The following QTMAN variants were observed in gnomAD, a reference collection of about 807,000 sequenced individuals.
QTMAN encodes the protein queuosine-tRNA mannosyltransferase, also known as tRNA-queuosine alpha-mannosyltransferase.
chr2:144,036,415 C>T, the QTMAN span, among the ~76,000 whole-genome samples: 1 of 152,112 alleles, frequency 6.6e-6, no homozygotes, highest in Non-Finnish European at 1.5e-5. Context: ...GTTACTGAAG[C>T]TTTTGGAGAG....
At chr2:144,117,615 T>C in the QTMAN span, among the ~76,000 whole-genome samples, 1 of 152,232 alleles carries the variant, frequency 6.6e-6, no homozygotes, top group East Asian at 1.9e-4. Flanking sequence ...CTTTTGCTAG[T>C]GTCTTGTTTG....
chr2:144,168,122 C>T, the QTMAN span, among the ~76,000 whole-genome samples: 1 of 152,092 alleles, frequency 6.6e-6, no homozygotes, highest in Non-Finnish European at 1.5e-5. Flanking sequence ...TAATCAAAAG[C>T]AAAACAATGG....
At chr2:144,109,733 T>C in the QTMAN span, among the ~76,000 whole-genome samples, 1 of 150,682 alleles carries the variant, frequency 6.6e-6, no homozygotes, top group Non-Finnish European at 1.5e-5. Context: ...AGGCAAAGGA[T>C]ATGAACAGAC....
At chr2:144,204,132 C>T in the QTMAN span, among the ~76,000 whole-genome samples, 1 of 152,076 alleles carries the variant, frequency 6.6e-6, no homozygotes, top group Non-Finnish European at 1.5e-5. Flanking sequence ...CAACAAAAGC[C>T]AAAATTGACA....
chr2:144,070,104 A>G, the QTMAN span, among the ~76,000 whole-genome samples: 1 of 152,064 alleles, frequency 6.6e-6, no homozygotes, highest in Non-Finnish European at 1.5e-5. Context: ...ATCTAATCTA[A>G]TTTTACCACC....
chr2:144,200,400 A>G, the QTMAN span, among the ~76,000 whole-genome samples: 2 of 152,246 alleles, frequency 1.3e-5, no homozygotes, highest in Non-Finnish European at 2.9e-5. Flanking sequence ...GAAATTTTAC[A>G]CAATATCACA....
At chr2:144,133,245 A>AC in the QTMAN span, among the ~76,000 whole-genome samples, 158 of 50,690 alleles carry the variant, frequency 3.1e-3, 2 homozygotes, top group African/African-American at 0.024. Flanking sequence ...ATTTATATAT[A>AC]AATATATATA....
chr2:144,261,130 C>G, the QTMAN span, among the ~76,000 whole-genome samples: 11 of 152,172 alleles, frequency 7.2e-5, no homozygotes, highest in Non-Finnish European at 1.2e-4. Context: ...ATCTAATAAG[C>G]TTTTTGGCAT....
At chr2:144,267,431 G>A in the QTMAN span, among the ~76,000 whole-genome samples, 1 of 152,302 alleles carries the variant, frequency 6.6e-6, no homozygotes, top group African/African-American at 2.4e-5. Flanking sequence ...ATTGAGAACT[G>A]AGAAAAATAA....
chr2:144,332,897 G>C, the QTMAN span, among the ~76,000 whole-genome samples: 1 of 152,138 alleles, frequency 6.6e-6, no homozygotes, highest in Non-Finnish European at 1.5e-5. Flanking sequence ...CCTTCTGGAA[G>C]GTCTGTGCTG....
the QTMAN span, among the ~76,000 whole-genome samples, chr2:144,113,746 G>A: frequency 6.6e-6 from 1 of 152,196 alleles, no homozygotes; most frequent in South Asian, 2.1e-4. Context: ...AAAACAGTTT[G>A]AACAGTGGAT....
At chr2:144,277,015 A>C in the QTMAN span, among the ~76,000 whole-genome samples, 1 of 152,232 alleles carries the variant, frequency 6.6e-6, no homozygotes, top group Non-Finnish European at 1.5e-5. Flanking sequence ...CATTTTATAA[A>C]CATGCATATT....
the QTMAN span, among the ~76,000 whole-genome samples, chr2:144,149,664 A>G: frequency 6.6e-6 from 1 of 152,066 alleles, no homozygotes; most frequent in Non-Finnish European, 1.5e-5. Context: ...CTGCAAGCAC[A>G]TTAACACCAT....
At chr2:144,308,279 G>A in the QTMAN span, among the ~76,000 whole-genome samples, 8 of 148,602 alleles carry the variant, frequency 5.4e-5, no homozygotes, top group African/African-American at 1.7e-4. Flanking sequence ...CGATTCTCCT[G>A]CCTCAGCCTC....
chr2:144,039,063 T>G, the QTMAN span, among the ~76,000 whole-genome samples: 1 of 152,092 alleles, frequency 6.6e-6, no homozygotes, highest in Non-Finnish European at 1.5e-5. Flanking sequence ...GAGTCAAAGG[T>G]CTAGAAAGCA....
the QTMAN span, among the ~76,000 whole-genome samples, chr2:143,949,703 G>T: frequency 1.3e-5 from 2 of 151,846 alleles, no homozygotes; most frequent in African/African-American, 4.8e-5. Flanking sequence ...CATAAGAAAA[G>T]TAGGTAAAAG....
At chr2:144,260,339 AT>A in the QTMAN span, among the ~76,000 whole-genome samples, 1 of 151,906 alleles carries the variant, frequency 6.6e-6, no homozygotes, top group Non-Finnish European at 1.5e-5. Flanking sequence ...GTGTGTGGGT[AT>A]TTGTGGGTGT....
At chr2:144,104,606 C>CAGGAAGCTCGAACTGGGTGGAGCCCA in the QTMAN span, among the ~76,000 whole-genome samples, 1 of 152,180 alleles carries the variant, frequency 6.6e-6, no homozygotes, top group African/African-American at 2.4e-5. Flanking sequence ...ACAAAGCAGC[C>CAGGAAGCTCGAACTGGGTGGAGCCCA]AGGAAGCTCG....
At chr2:144,066,724 G>A in the QTMAN span, among the ~76,000 whole-genome samples, 10 of 152,366 alleles carry the variant, frequency 6.6e-5, no homozygotes, top group South Asian at 6.2e-4. Context: ...GCTGAGGCAG[G>A]AGAATTGCTT....
Sources: allele counts gnomAD v4.1 joint callset (sites outside exome capture counted in the v4.1 genomes callset), GRCh38; gene constraint gnomAD v4.1.1; transcripts MANE v1.5; gene names NCBI Gene and HGNC (gene_info 2026-07-23, HGNC 2026-07-21).